The following SLC35F3 variants were observed in gnomAD, a reference collection of about 807,000 sequenced individuals.
SLC35F3 encodes the protein solute carrier family 35 member F3.
A neutral mutation model predicts 49.9 loss-of-function variants in SLC35F3; 25 were observed. The observed-to-expected ratio is 0.50, with a 90% CI of 0.37 to 0.70. The LOEUF is 0.70. Among genes scored for constraint, SLC35F3 ranks in the 30% least tolerant of loss-of-function variants. The pLI, the probability that SLC35F3 is intolerant of heterozygous loss-of-function variation, is 0.00. For missense variants in SLC35F3, 525 were observed against 639.8 expected (o/e 0.82, Z 1.94); for synonymous variants, 275 against 265.4 (o/e 1.04, Z -0.35).
In SLC35F3 at chr1:234,320,933, G is replaced by A. The variant is rs530975598; in HGVS notation, c.1237+746G>A. Among the ~76,000 whole-genome samples, 2 of 152,166 alleles carry A rather than the reference G, an allele frequency of 1.3e-5. No homozygotes were observed. The highest frequency in any genetic ancestry group is 3.9e-4 in the East Asian group (2 of 5,166). ...GGCATCCTTCTCTCAGCCAGAAAAG[G>A]GCTGTGAATCTGTCCTCCCCAGAAC... On this transcript the variant is annotated intron_variant, in intron 7 of 7. Coordinates refer to ENST00000366618, the MANE Select transcript of SLC35F3 (RefSeq NM_173508.4). This position sits in a 1 kb window ranked among gnomAD's most constrained non-coding sequence, Gnocchi z 4.8.
intron 2 of SLC35F3, among the ~76,000 whole-genome samples, chr1:233,993,883 G>A (rs1329868044): frequency 1.3e-5 from 2 of 152,174 alleles, no homozygotes; most frequent in African/African-American, 4.8e-5. Context: ...AAGTACAGAT[G>A]ACTCAGCTGC....
chr1:234,185,429 C>T (rs371929017), intron 2 of SLC35F3, among the ~76,000 whole-genome samples: 3 of 152,212 alleles, frequency 2.0e-5, no homozygotes, highest in Admixed American at 2.0e-4. Flanking sequence ...AGGAGACTAG[C>T]AAATACATTT....
At chr1:234,048,748 A>G (rs112159040) in intron 2 of SLC35F3, among the ~76,000 whole-genome samples, 5,109 of 151,320 alleles carry the variant, frequency 0.034, 266 homozygotes, top group African/African-American at 0.11. Context: ...GCAATTTTCC[A>G]TTGGGTCCAG....
intron 4 of SLC35F3, 63 bp from the exon 5 acceptor site, chr1:234,316,539 C>T: frequency 6.5e-7 from 1 of 1,546,766 alleles, no homozygotes; most frequent in Non-Finnish European, 8.8e-7. Context: ...CTCTTTGGCG[C>T]TTGCATACTC....
At chr1:234,238,081 GTTGT>G (rs945470459) in intron 3 of SLC35F3, among the ~76,000 whole-genome samples, 5 of 152,276 alleles carry the variant, frequency 3.3e-5, no homozygotes, top group Admixed American at 1.3e-4. Context: ...TGATGTTTTT[GTTGT>G]TTGTTTGTGT....
intron 2 of SLC35F3, among the ~76,000 whole-genome samples, chr1:234,129,158 C>G (rs1331197517): frequency 2.0e-5 from 3 of 152,176 alleles, no homozygotes; most frequent in African/African-American, 4.8e-5. Context: ...AAAATACATA[C>G]ACCTCCAACA....
At position 234,291,293 on chromosome 1, in the gene SLC35F3, A is replaced by G. The variant is rs188271552; in HGVS notation, c.609-17808A>G. ...TAAAATGCAGATTTTGATTTCAAGA[A>G]GGAAGTCTGGGTTGGGGCTTGGCAT... On this transcript the variant is annotated intron_variant, in intron 3 of 7. Coordinates refer to ENST00000366618, the MANE Select transcript of SLC35F3 (RefSeq NM_173508.4). Among the ~76,000 whole-genome samples, 174 of 152,374 alleles carry G rather than the reference A, an allele frequency of 1.1e-3. 3 individuals carry two copies. The highest frequency in any genetic ancestry group is 0.01 in the Admixed American group (159 of 15,310).
At chr1:234,322,193 C>CA (rs35591525) in intron 7 of SLC35F3, among the ~76,000 whole-genome samples, 21,968 of 116,346 alleles carry the variant, frequency 0.19, 1,935 homozygotes, top group East Asian at 0.36. Flanking sequence ...GACCCTGTCT[C>CA]AAAAAAAAAA....
intron 2 of SLC35F3, among the ~76,000 whole-genome samples, chr1:234,104,389 C>T (rs1303398493): frequency 6.6e-6 from 1 of 152,066 alleles, no homozygotes; most frequent in African/African-American, 2.4e-5. Context: ...AAAATCAGCC[C>T]TGTTGAAAGG....
chr1:234,020,746 T>G (rs987075478), intron 2 of SLC35F3, among the ~76,000 whole-genome samples: 20 of 152,164 alleles, frequency 1.3e-4, no homozygotes, highest in African/African-American at 4.6e-4. Flanking sequence ...AATAAGAGCC[T>G]GAGATTTTAG....
Position 234,214,116 on chromosome 1 carries a change from G to T in SLC35F3, c.284-17301G>T. ...GAGGCTGCAGTCAGGACCTGGCTGG[G>T]AGGAAGACAGGGATGAGGGCTGCGG... On this transcript the variant is annotated intron_variant, in intron 2 of 7. Transcript: ENST00000366618. The surrounding 1 kb of genome is among the most constrained non-coding windows in gnomAD (Gnocchi z 8.0). The T allele has an allele frequency of 1.0e-6, 1 of 1,002,042 alleles. No individual in the cohort carries two copies. Among genetic ancestry groups the T allele is most frequent in the Non-Finnish European group, 1.2e-6 (1 of 833,814 alleles). 62.1% of individuals were successfully genotyped at this position (1,002,042 alleles called of 1,614,324 possible).
At chr1:234,244,543 T>C (rs1667601524) in intron 3 of SLC35F3, among the ~76,000 whole-genome samples, 1 of 152,122 alleles carries the variant, frequency 6.6e-6, no homozygotes, top group Admixed American at 6.6e-5. Flanking sequence ...TCATCCAGAA[T>C]GATAAACTAA....
At chr1:234,206,702 A>T (rs59015738) in intron 2 of SLC35F3, among the ~76,000 whole-genome samples, 2 of 152,150 alleles carry the variant, frequency 1.3e-5, no homozygotes, top group Non-Finnish European at 2.9e-5. Flanking sequence ...AAGTATACAA[A>T]TAACTTCAAA....
At chr1:234,116,505 T>TTTTATTTA (rs200809963) in intron 2 of SLC35F3, among the ~76,000 whole-genome samples, 1 of 141,788 alleles carries the variant, frequency 7.1e-6, no homozygotes, top group Non-Finnish European at 1.5e-5. Context: ...TTATTTTTGT[T>TTTTATTTA]TTTATTTATT....
chr1:234,033,798 C>T (rs111273494), intron 2 of SLC35F3, among the ~76,000 whole-genome samples: 1,914 of 152,244 alleles, frequency 0.013, 33 homozygotes, highest in African/African-American at 0.042. Flanking sequence ...GTGATGCCTC[C>T]GAAATTGTTC....
intron 3 of SLC35F3, among the ~76,000 whole-genome samples, chr1:234,242,082 G>C (rs1667562789): frequency 6.6e-6 from 1 of 152,200 alleles, no homozygotes; most frequent in African/African-American, 2.4e-5. Flanking sequence ...AATGAAACAG[G>C]AGCCAGTGGG....
At chr1:234,172,125 C>T (rs1048644682) in intron 2 of SLC35F3, among the ~76,000 whole-genome samples, 1 of 152,204 alleles carries the variant, frequency 6.6e-6, no homozygotes, top group African/African-American at 2.4e-5. Context: ...CAGTTGGACA[C>T]CTCCAGTCCA....
At chr1:233,955,113 G>A (rs1662675050) in intron 2 of SLC35F3, among the ~76,000 whole-genome samples, 1 of 152,000 alleles carries the variant, frequency 6.6e-6, no homozygotes, top group African/African-American at 2.4e-5. Flanking sequence ...CTAAGTGCTG[G>A]GATTACAGGC....
At position 234,318,794 on chromosome 1, in the gene SLC35F3, C is replaced by T. The variant is rs1657550575; in HGVS notation, c.998C>T (p.Ala333Val). Residue 333 changes from alanine to valine, a missense_variant, in exon 6 of 8, where the codon GCC (alanine) becomes GTC (valine). Coordinates refer to ENST00000366618, the MANE Select transcript of SLC35F3 (RefSeq NM_173508.4). ...LLLGSAKFGE[A>V]ALFLSILGVF... is the part of the protein sequence containing the mutation. ...CTGGGCAGTGCTAAGTTTGGAGAAG[C>T]CGCCTTATTTTTGTCCATCTTGGGT... is the stretch of plus-strand genomic sequence containing the variant. 6.2e-7 allele frequency: 1 copy of T among 1,614,172 alleles called. No individual in the cohort carries two copies. Among genetic ancestry groups the T allele is most frequent in the Non-Finnish European group, 8.5e-7 (1 of 1,180,020 alleles).
Sources: allele counts gnomAD v4.1 joint callset (sites outside exome capture counted in the v4.1 genomes callset), GRCh38; gene constraint gnomAD v4.1.1; non-coding constraint Gnocchi (gnomAD v3.1); transcripts MANE v1.5; gene names NCBI Gene and HGNC (gene_info 2026-07-23, HGNC 2026-07-21).